The following ERBIN variants were observed in gnomAD, a reference collection of about 807,000 sequenced individuals.
ERBIN encodes the protein densin-180-like protein.
Under a neutral mutation model 158.4 loss-of-function variants are expected in ERBIN, and 60 were observed. The ratio of observed to expected loss-of-function variants is 0.38; its 90% CI spans 0.31 to 0.47. ERBIN has a LOEUF of 0.47. ERBIN is among the 20% of genes least tolerant of loss of function. The pLI, the probability that ERBIN is intolerant of heterozygous loss-of-function variation, is 0.99. For missense variants in ERBIN, 1,610 were observed against 1,648.0 expected, an observed-to-expected ratio of 0.98 and a Z score of 0.40; for synonymous variants, 594 against 557.2, an observed-to-expected ratio of 1.07 and a Z score of -0.93.
chr5:66,080,012 T>C lies in ERBIN; in HGVS notation c.*1482T>C, dbSNP rs543620365. 20 of 152,326 alleles carry C rather than the reference T, an allele frequency of 1.3e-4. No homozygotes were observed. The highest frequency in any genetic ancestry group is 4.6e-4 in the African/African-American group (19 of 41,594). 9.4% of individuals were successfully genotyped at this position (152,326 alleles called of 1,614,324 possible). On this transcript the variant is annotated 3_prime_UTR_variant, in exon 26 of 26. Transcript: ENST00000284037. ...GTGCCATAGAAGACCAATAACTGTTTAGTTGAGGCTAGTCTGGAACCTTTC... is the reference window on the plus strand; with the variant it reads ...GTGCCATAGAAGACCAATAACTGTTCAGTTGAGGCTAGTCTGGAACCTTTC...
intron 4 of ERBIN, among the ~76,000 whole-genome samples, chr5:65,996,244 G>GTTTTTTT (rs34947686): frequency 4.0e-5 from 4 of 101,164 alleles, no homozygotes; most frequent in African/African-American, 1.5e-4. Context: ...TTTCCTAGTA[G>GTTTTTTT]TTTTTTTTTT....
intron 1 of ERBIN, among the ~76,000 whole-genome samples, chr5:65,957,888 T>G (rs1341375902): frequency 1.3e-5 from 2 of 149,956 alleles, no homozygotes; most frequent in African/African-American, 2.5e-5. Flanking sequence ...GAGGCACTCC[T>G]CACTTCTCAG....
intron 4 of ERBIN, among the ~76,000 whole-genome samples, chr5:65,996,258 T>TG (rs1220013672): frequency 2.1e-4 from 31 of 147,138 alleles, no homozygotes; most frequent in African/African-American, 8.0e-4. Flanking sequence ...TTTTTTTTTT[T>TG]TTTTTTTAAC....
intron 2 of ERBIN, among the ~76,000 whole-genome samples, chr5:65,991,452 C>G (rs886256626): frequency 6.6e-6 from 1 of 152,130 alleles, no homozygotes; most frequent in Non-Finnish European, 1.5e-5. Flanking sequence ...TTGTTTTACA[C>G]AGAAAGAATT....
Position 66,078,819 on chromosome 5 carries a change from T to C in ERBIN, c.*289T>C. 1 of 324,112 alleles carries C rather than the reference T, an allele frequency of 3.1e-6. No individual in the cohort carries two copies. Among genetic ancestry groups the C allele is most frequent in the Non-Finnish European group, 5.6e-6 (1 of 178,666 alleles). 20.1% of individuals were successfully genotyped at this position (324,112 alleles called of 1,614,324 possible). A position where few individuals can be genotyped will look rare whatever the true frequency, so the allele number is the denominator to read the frequency against. On this transcript the variant is annotated 3_prime_UTR_variant, in exon 26 of 26. Transcript: ENST00000284037. ...TGTTTTTGTATAGATTGTAGGTTTA[T>C]TTTTGGATTTCATATACATGACTGA...
intron 7 of ERBIN, 79 bp downstream of exon 7, chr5:66,014,804 TAC>T (rs1006360575): frequency 4.6e-6 from 3 of 659,270 alleles, no homozygotes; most frequent in Non-Finnish European, 7.4e-6. Context: ...AAATTTTTAT[TAC>T]CTAAAATGTG....
intron 1 of ERBIN, among the ~76,000 whole-genome samples, chr5:65,956,545 CT>C (rs775550780): frequency 0.012 from 1,589 of 135,932 alleles, 16 homozygotes; most frequent in African/African-American, 0.031. Flanking sequence ...AATTTTTTTA[CT>C]TTTTTTTTTT....
At chr5:65,989,153 C>G (rs1205496264) in intron 2 of ERBIN, among the ~76,000 whole-genome samples, 2 of 152,030 alleles carry the variant, frequency 1.3e-5, no homozygotes, top group Non-Finnish European at 2.9e-5. Flanking sequence ...CCATGTTGAT[C>G]AATTCAGTTC....
At chr5:65,982,445 A>G (rs1335165417) in intron 1 of ERBIN, among the ~76,000 whole-genome samples, 1 of 152,204 alleles carries the variant, frequency 6.6e-6, no homozygotes, top group Non-Finnish European at 1.5e-5. Flanking sequence ...TGAAATGTTT[A>G]TGGAGAATTG....
chr5:65,935,925 T>TA (rs1744026423), intron 1 of ERBIN, among the ~76,000 whole-genome samples: 1 of 152,128 alleles, frequency 6.6e-6, no homozygotes, highest in African/African-American at 2.4e-5. Context: ...GAGGTCTTAC[T>TA]ATGTTGCCAG....
chr5:66,005,336 CTGTGGGAGTTGTAA>C (rs1678197982), intron 4 of ERBIN, among the ~76,000 whole-genome samples: 1 of 152,064 alleles, frequency 6.6e-6, no homozygotes, highest in Non-Finnish European at 1.5e-5. Context: ...ATGTGGAAAT[CTGTGGGAGTTGTAA>C]TTTTTAATAG....
Position 66,001,702 on chromosome 5 carries a change from CTA to C in ERBIN, c.307+6840_307+6841del, listed in dbSNP as rs1467366676. ...GAAATTCAGTTTTTTCTTTTACAGT[CTA>C]TGATAAAACTGGAATGTTAATTTGT... On this transcript the variant is annotated intron_variant, in intron 4 of 25. Coordinates refer to ENST00000284037, the MANE Select transcript of ERBIN (RefSeq NM_001253697.2). 2.0e-5 allele frequency among the ~76,000 whole-genome samples: 3 copies of C among 152,102 alleles called. No individual in the cohort carries two copies. The East Asian group carries it at 5.8e-4, about 29-fold the overall frequency.
rs1268863236 is a variant in ERBIN, at chr5:66,053,472, A to G, written c.2154A>G (p.Glu718=). Residue 718 remains glutamate, a synonymous_variant, in exon 21 of 26, where the codon GAA becomes GAG. Coordinates refer to ENST00000284037, the MANE Select transcript of ERBIN (RefSeq NM_001253697.2). ...NGDILNSSTE[E]KFKAHDKKDF... ...ATATTTTAAACAGTTCAACAGAGGA[A>G]AAGTTCAAAGCTCATGATAAAAAAG... is the stretch of plus-strand genomic sequence containing the variant. The G allele has an allele frequency of 7.5e-6, 12 of 1,597,092 alleles. No homozygotes were observed. The highest frequency in any genetic ancestry group is 1.0e-5 in the Non-Finnish European group (12 of 1,175,078).
chr5:66,050,043 T>G (rs867157477), intron 19 of ERBIN, among the ~76,000 whole-genome samples: 9 of 152,166 alleles, frequency 5.9e-5, no homozygotes, highest in Non-Finnish European at 1.0e-4. Flanking sequence ...TTAGAGTAGA[T>G]GGGAAAAAAT....
At chr5:65,928,168 A>G (rs572845526) in intron 1 of ERBIN, among the ~76,000 whole-genome samples, 2 of 152,058 alleles carry the variant, frequency 1.3e-5, no homozygotes, top group East Asian at 3.9e-4. Context: ...CATTAAGTAC[A>G]TCTCCAAAGG....
chr5:66,077,437 G>A lies in ERBIN; in HGVS notation c.4131+488G>A, dbSNP rs188729852. Among the ~76,000 whole-genome samples the A allele has an allele frequency of 4.1e-3, 623 of 151,570 alleles. 5 individuals are homozygous for A. The highest frequency in any genetic ancestry group is 4.2e-3 in the Non-Finnish European group (283 of 67,942). On this transcript the variant is annotated intron_variant, in intron 25 of 25. Coordinates refer to ENST00000284037, the MANE Select transcript of ERBIN (RefSeq NM_001253697.2). ...CTCATTTTCTACCCCTACTGTCACC[G>A]TTCTTAGCTGAGAACTAAAGAACTT...
chr5:65,939,924 T>G (rs940210299), intron 1 of ERBIN, among the ~76,000 whole-genome samples: 2 of 151,940 alleles, frequency 1.3e-5, no homozygotes, highest in African/African-American at 4.8e-5. Context: ...CCGCCTGCCT[T>G]GGCCTCCCAA....
At chr5:65,991,622 A>C (rs955856309) in intron 2 of ERBIN, among the ~76,000 whole-genome samples, 3 of 152,166 alleles carry the variant, frequency 2.0e-5, no homozygotes, top group African/African-American at 7.2e-5. Flanking sequence ...TTATTTCTTC[A>C]AGTTAATTGC....
At chr5:66,073,894 T>G (rs1170273742) in intron 22 of ERBIN, among the ~76,000 whole-genome samples, 1 of 152,036 alleles carries the variant, frequency 6.6e-6, no homozygotes, top group Non-Finnish European at 1.5e-5. Flanking sequence ...TTGTTGTTGT[T>G]TAGAGATGGA....
Sources: allele counts gnomAD v4.1 joint callset (sites outside exome capture counted in the v4.1 genomes callset), GRCh38; gene constraint gnomAD v4.1.1; transcripts MANE v1.5; gene names NCBI Gene and HGNC (gene_info 2026-07-23, HGNC 2026-07-21).